The following WDR27 variants were observed in gnomAD, a reference collection of about 807,000 sequenced individuals.
WDR27 encodes the protein WD repeat-containing protein 27.
In WDR27, 100 loss-of-function variants were observed where a neutral mutation model predicts 114.4. The ratio of observed to expected loss-of-function variants is 0.87; its 90% CI spans 0.74 to 1.03. WDR27 has a LOEUF of 1.03. Among genes scored for constraint, WDR27 ranks in the 50% least tolerant of loss-of-function variants. WDR27 has a pLI of 0.00. For missense variants in WDR27, 1,129 were observed against 1,092.9 expected, an observed-to-expected ratio of 1.03 and a Z score of -0.47; for synonymous variants, 449 against 423.1, an observed-to-expected ratio of 1.06 and a Z score of -0.75.
intron 2 of WDR27, among the ~76,000 whole-genome samples, chr6:169,681,033 T>TGGC (rs374575941): frequency 6.6e-6 from 1 of 152,288 alleles, no homozygotes; most frequent in African/African-American, 2.4e-5. Context: ...TGAAGAACAC[T>TGGC]ATTAGCCACC....
chr6:169,669,347 G>A (rs1778108214), intron 4 of WDR27, among the ~76,000 whole-genome samples: 1 of 152,136 alleles, frequency 6.6e-6, no homozygotes, highest in Non-Finnish European at 1.5e-5. Flanking sequence ...AAGGAAGCGT[G>A]GGGAGGATCT....
chr6:169,641,273 C>T (rs771705235), intron 17 of WDR27, among the ~76,000 whole-genome samples: 1 of 152,224 alleles, frequency 6.6e-6, no homozygotes, highest in Non-Finnish European at 1.5e-5. Context: ...TGAAGCGCTG[C>T]GGGCCGCAGG....
intron 25 of WDR27, among the ~76,000 whole-genome samples, chr6:169,500,492 C>T (rs943074033): frequency 2.0e-5 from 3 of 152,150 alleles, no homozygotes; most frequent in Non-Finnish European, 2.9e-5. Context: ...CAGGGCCACA[C>T]TAACTTCTGA....
intron 25 of WDR27, among the ~76,000 whole-genome samples, chr6:169,499,506 G>A (rs1191846409): frequency 2.0e-5 from 3 of 152,232 alleles, no homozygotes; most frequent in Non-Finnish European, 2.9e-5. Context: ...GATCAGAAAA[G>A]AAATCCAAAA....
chr6:169,481,573 T>C (rs1031539052), intron 25 of WDR27, among the ~76,000 whole-genome samples: 18 of 152,214 alleles, frequency 1.2e-4, no homozygotes, highest in African/African-American at 4.1e-4. Flanking sequence ...GTCTGCAGCT[T>C]CACTCCTGAG....
At chr6:169,598,061 T>C (rs1204071916) in intron 23 of WDR27, among the ~76,000 whole-genome samples, 1 of 152,184 alleles carries the variant, frequency 6.6e-6, no homozygotes, top group Non-Finnish European at 1.5e-5. Context: ...AACCAGGGTT[T>C]GTGTAGTAGT....
chr6:169,532,510 A>T (rs961919505), intron 25 of WDR27, among the ~76,000 whole-genome samples: 6 of 152,172 alleles, frequency 3.9e-5, no homozygotes, highest in African/African-American at 1.4e-4. Flanking sequence ...AGCAGAGGGA[A>T]CTGCCTCAAC....
chr6:169,638,423 A>G, intron 18 of WDR27, 116 bp downstream of exon 18: 1 of 1,390,304 alleles, frequency 7.2e-7, no homozygotes, highest in Non-Finnish European at 9.6e-7. Context: ...CATTAAAGCA[A>G]ACTCTTGGCT....
At chr6:169,480,309 C>T (rs992535927) in intron 25 of WDR27, among the ~76,000 whole-genome samples, 4 of 152,176 alleles carry the variant, frequency 2.6e-5, no homozygotes, top group Non-Finnish European at 5.9e-5. Context: ...CTGACATGCC[C>T]GAGCCCCACC....
intron 8 of WDR27, among the ~76,000 whole-genome samples, chr6:169,663,067 A>G (rs1466700591): frequency 6.6e-6 from 1 of 151,974 alleles, no homozygotes; most frequent in Non-Finnish European, 1.5e-5. Flanking sequence ...CCATGGAGTC[A>G]CTCAGATCAC....
At chr6:169,589,895 T>C (rs985752335) in intron 23 of WDR27, among the ~76,000 whole-genome samples, 4 of 150,042 alleles carry the variant, frequency 2.7e-5, no homozygotes, top group Admixed American at 6.6e-5. Context: ...GGCTAAGACA[T>C]ACTCAGAAAA....
chr6:169,578,381 G>A (rs1349031428), intron 24 of WDR27, among the ~76,000 whole-genome samples: 2 of 152,216 alleles, frequency 1.3e-5, no homozygotes, highest in African/African-American at 2.4e-5. Flanking sequence ...CAGCGTGGAA[G>A]CACTTGCAAA....
At chr6:169,465,485 A>AT (rs964651520) in intron 25 of WDR27, among the ~76,000 whole-genome samples, 1 of 152,082 alleles carries the variant, frequency 6.6e-6, no homozygotes, top group African/African-American at 2.4e-5. Flanking sequence ...AACAGTATGA[A>AT]TTTTTTTCAA....
At chr6:169,607,762 C>T (rs775964190) in intron 22 of WDR27, among the ~76,000 whole-genome samples, 1 of 152,132 alleles carries the variant, frequency 6.6e-6, no homozygotes, top group African/African-American at 2.4e-5. Flanking sequence ...ACACTTGCAC[C>T]TCCTAAATAT....
chr6:169,555,455 C>A lies in WDR27; in HGVS notation c.2645+16964G>T, dbSNP rs554168378. Among the ~76,000 whole-genome samples, 4 of 152,152 alleles carry A rather than the reference C, an allele frequency of 2.6e-5. No individual in the cohort carries two copies. In the East Asian group the frequency reaches 7.7e-4, roughly 29 times the overall value. ...GGTAGACTTGGCAGCACGAGCTCAG[C>A]CTTGTTAGGACTCAATCCTACAGGC... On this transcript the variant is annotated intron_variant, in intron 25 of 25. Coordinates refer to ENST00000448612, the MANE Select transcript of WDR27 (RefSeq NM_182552.5).
the WDR27 span, among the ~76,000 whole-genome samples, chr6:169,431,682 T>C: frequency 6.6e-6 from 1 of 152,244 alleles, no homozygotes; most frequent in African/African-American, 2.4e-5. Context: ...GCATTTGATA[T>C]TAAACTAAAT....
At chr6:169,427,948 A>G in the WDR27 span, among the ~76,000 whole-genome samples, 14 of 152,178 alleles carry the variant, frequency 9.2e-5, no homozygotes, top group African/African-American at 3.4e-4. Flanking sequence ...CTTTCACAGC[A>G]GGCTTTCAGC....
the WDR27 span, among the ~76,000 whole-genome samples, chr6:169,429,057 A>G: frequency 7.5e-3 from 1,144 of 152,242 alleles, 21 homozygotes; most frequent in African/African-American, 0.026. Flanking sequence ...CCAAGAAATG[A>G]TGGATCTTGC....
intron 25 of WDR27, among the ~76,000 whole-genome samples, chr6:169,552,973 G>GGGGT (rs1472592601): frequency 3.2e-5 from 2 of 61,792 alleles, no homozygotes; most frequent in African/African-American, 6.5e-5. Context: ...GGGCCTGCCC[G>GGGGT]GTGTGTGTGT....
Sources: allele counts gnomAD v4.1 joint callset (sites outside exome capture counted in the v4.1 genomes callset), GRCh38; gene constraint gnomAD v4.1.1; transcripts MANE v1.5; gene names NCBI Gene and HGNC (gene_info 2026-07-23, HGNC 2026-07-21).